NCKAP5: variants seen among roughly 807,000 people sequenced by gnomAD.
The protein encoded by NCKAP5 is NCK associated protein 5.
In NCKAP5, 92 loss-of-function variants were observed where a neutral mutation model predicts 167.0. That is an observed-to-expected ratio of 0.55 (90% CI 0.47 to 0.66). The LOEUF (loss-of-function observed/expected upper bound fraction) is 0.66, where lower values mean the gene tolerates loss of function less well. Ranked by LOEUF, NCKAP5 falls within the 30% of genes least tolerant of loss-of-function variation. The probability of loss-of-function intolerance (pLI) is 0.00; values close to 1 mark genes in which losing one functional copy is unlikely to be tolerated. For missense variants in NCKAP5, 2,378 were observed against 2,315.0 expected, an observed-to-expected ratio of 1.03 and a Z score of -0.56; for synonymous variants, 891 against 877.4, an observed-to-expected ratio of 1.02 and a Z score of -0.27.
At chr2:133,594,675 C>T in the NCKAP5 span, among the ~76,000 whole-genome samples, 1 of 152,296 alleles carries the variant, frequency 6.6e-6, no homozygotes, top group African/African-American at 2.4e-5. Flanking sequence ...GGTCATTCCT[C>T]TTACCTGCCT....
intron 5 of NCKAP5, among the ~76,000 whole-genome samples, chr2:133,160,236 C>A (rs2083732029): frequency 6.6e-6 from 1 of 152,054 alleles, no homozygotes; most frequent in Non-Finnish European, 1.5e-5. Context: ...AGGATCTGCT[C>A]CAGGCCTCCC....
At chr2:133,001,515 T>C (rs1272635647) in intron 6 of NCKAP5, among the ~76,000 whole-genome samples, 1 of 152,148 alleles carries the variant, frequency 6.6e-6, no homozygotes, top group Non-Finnish European at 1.5e-5. Flanking sequence ...GCATCAAAAA[T>C]ATTTCATTTC....
chr2:133,102,124 T>C (rs547466447), intron 6 of NCKAP5, among the ~76,000 whole-genome samples: 54 of 143,220 alleles, frequency 3.8e-4, no homozygotes, highest in Non-Finnish European at 7.8e-4. Flanking sequence ...ACTGATTTTT[T>C]CTTTTTTTCT....
intron 3 of NCKAP5, among the ~76,000 whole-genome samples, chr2:133,364,632 G>T (rs1330263690): frequency 6.6e-6 from 1 of 152,166 alleles, no homozygotes; most frequent in Admixed American, 6.5e-5. Context: ...CTCAATTTGG[G>T]ATTCTCTGAT....
chr2:132,967,208 C>T (rs1326797556), intron 7 of NCKAP5, among the ~76,000 whole-genome samples: 1 of 151,516 alleles, frequency 6.6e-6, no homozygotes, highest in Non-Finnish European at 1.5e-5. Flanking sequence ...CACATACACA[C>T]ACACATACAC....
chr2:133,367,372 T>C (rs1178583141), intron 3 of NCKAP5, among the ~76,000 whole-genome samples: 1 of 152,234 alleles, frequency 6.6e-6, no homozygotes, highest in Non-Finnish European at 1.5e-5. Flanking sequence ...GACTTGAATT[T>C]CATCTCAGCC....
chr2:133,103,783 C>T lies in NCKAP5; in HGVS notation c.341+26195G>A, dbSNP rs562529636. Among the ~76,000 whole-genome samples the T allele has an allele frequency of 6.6e-5, 10 of 152,228 alleles. No homozygotes were observed. In the South Asian group the frequency reaches 1.5e-3, roughly 22 times the overall value. On this transcript the variant is annotated intron_variant, in intron 6 of 19. Coordinates refer to ENST00000409261, the MANE Select transcript of NCKAP5 (RefSeq NM_207363.3). ...CATCAGAGAGAGGTGCTGTCTCAGT[C>T]AGTCAATCAATCAATGAAAGCTGTT... is the stretch of plus-strand genomic sequence containing the variant.
chr2:133,120,221 C>T (rs2082208519), intron 6 of NCKAP5, among the ~76,000 whole-genome samples: 1 of 152,148 alleles, frequency 6.6e-6, no homozygotes, highest in Non-Finnish European at 1.5e-5. Context: ...TTTGTCAGAA[C>T]CCCATAGCTT....
At chr2:133,204,097 A>T (rs1452748788) in intron 5 of NCKAP5, among the ~76,000 whole-genome samples, 2 of 152,220 alleles carry the variant, frequency 1.3e-5, no homozygotes, top group Non-Finnish European at 2.9e-5. Context: ...CTAACCCCAG[A>T]TCATAAAAAT....
At chr2:132,879,375 T>C (rs1691572604) in intron 8 of NCKAP5, among the ~76,000 whole-genome samples, 1 of 152,204 alleles carries the variant, frequency 6.6e-6, no homozygotes, top group African/African-American at 2.4e-5. Context: ...GTTACTTTCA[T>C]TGTTAGTCAA....
intron 6 of NCKAP5, among the ~76,000 whole-genome samples, chr2:133,014,086 A>ATCTC (rs781269712): frequency 8.5e-5 from 13 of 152,146 alleles, no homozygotes; most frequent in Admixed American, 4.6e-4. Flanking sequence ...TAGCAGGTCC[A>ATCTC]TCTCTTCAAA....
chr2:132,896,122 T>C (rs1157285696), intron 8 of NCKAP5, among the ~76,000 whole-genome samples: 3 of 151,980 alleles, frequency 2.0e-5, no homozygotes, highest in Admixed American at 1.3e-4. Flanking sequence ...GTGACAAGAG[T>C]GAGACTCTGT....
At chr2:132,753,427 T>C (rs574738787) in intron 16 of NCKAP5, among the ~76,000 whole-genome samples, 282 of 152,300 alleles carry the variant, frequency 1.9e-3, no homozygotes, top group Non-Finnish European at 2.5e-3. Context: ...TCAAATCTTA[T>C]GGAAATGGTC....
At chr2:132,802,328 T>C (rs1246152425) in intron 11 of NCKAP5, among the ~76,000 whole-genome samples, 1 of 152,216 alleles carries the variant, frequency 6.6e-6, no homozygotes, top group Non-Finnish European at 1.5e-5. Context: ...GGCTGATTTC[T>C]CAGAAAAAGA....
chr2:133,333,452 C>T (rs556252775), intron 3 of NCKAP5, among the ~76,000 whole-genome samples: 2 of 152,198 alleles, frequency 1.3e-5, no homozygotes, highest in South Asian at 2.1e-4. Flanking sequence ...CTTTCTTCCA[C>T]GACGAGGAAA....
rs1691142591 is a variant in NCKAP5, at chr2:132,874,862, C to T, written c.648+3986G>A. Among the ~76,000 whole-genome samples the T allele has an allele frequency of 3.3e-5, 5 of 152,128 alleles. No individual in the cohort carries two copies. The South Asian group carries it at 1.0e-3, about 32-fold the overall frequency. Reference sequence around the variant, plus strand: ...CACATCTTTCTGATGCAAAGGGCTCCCAGAAACACACCTTGAGAAACACTG... The same window carrying T: ...CACATCTTTCTGATGCAAAGGGCTCTCAGAAACACACCTTGAGAAACACTG... On this transcript the variant is annotated intron_variant, in intron 9 of 19. Coordinates refer to ENST00000409261, the MANE Select transcript of NCKAP5 (RefSeq NM_207363.3).
At chr2:133,439,730 T>C (rs12623281) in intron 3 of NCKAP5, among the ~76,000 whole-genome samples, 20,508 of 152,202 alleles carry the variant, frequency 0.13, 1,601 homozygotes, top group Middle Eastern at 0.18. Context: ...CCCTATAATG[T>C]CTCATCTAGG....
chr2:133,051,345 G>A (rs1461808126), intron 6 of NCKAP5, among the ~76,000 whole-genome samples: 1 of 152,168 alleles, frequency 6.6e-6, no homozygotes. Flanking sequence ...CAAAGTAGGT[G>A]AGGAATAACC....
chr2:133,020,932 C>A (rs1467611194), intron 6 of NCKAP5, among the ~76,000 whole-genome samples: 1 of 151,976 alleles, frequency 6.6e-6, no homozygotes, highest in African/African-American at 2.4e-5. Context: ...CAGGGAAATG[C>A]CTCCAGGCAC....
Sources: gnomAD v4.1 joint callset for allele counts (sites outside exome capture counted in the v4.1 genomes callset) on GRCh38, gnomAD v4.1.1 for gene constraint, MANE v1.5 for transcripts, NCBI Gene and HGNC (gene_info 2026-07-23, HGNC 2026-07-21) for gene names.